GRIK4: variants seen among roughly 807,000 people sequenced by gnomAD.
GRIK4 encodes the protein glutamate ionotropic receptor kainate type subunit 4.
A neutral mutation model predicts 104.9 loss-of-function variants in GRIK4; 40 were observed. That is an observed-to-expected ratio of 0.38 (90% CI 0.30 to 0.50). GRIK4 has a LOEUF of 0.50. Ranked by LOEUF, GRIK4 falls within the 20% of genes least tolerant of loss-of-function variation. The probability of loss-of-function intolerance (pLI) is 0.93; values close to 1 mark genes in which losing one functional copy is unlikely to be tolerated. For synonymous variants in GRIK4, 485 were observed against 524.9 expected, an observed-to-expected ratio of 0.92 and a Z score of 1.04; for missense variants, 1,047 against 1,308.1, an observed-to-expected ratio of 0.80 and a Z score of 3.08.
At chr11:120,792,235 C>CGTGTGT (rs557044477) in intron 3 of GRIK4, among the ~76,000 whole-genome samples, 1 of 149,656 alleles carries the variant, frequency 6.7e-6, no homozygotes, top group East Asian at 2.0e-4. Context: ...GCAGCAGCAC[C>CGTGTGT]GTGTGTGTGT....
chr11:120,571,855 GTGGGGAACATGT>G (rs1333331140), intron 1 of GRIK4, among the ~76,000 whole-genome samples: 1 of 152,176 alleles, frequency 6.6e-6, no homozygotes, highest in Non-Finnish European at 1.5e-5. Context: ...CTACTTGGTG[GTGGGGAACATGT>G]TGGGGAACAT....
At chr11:120,971,827 G>A (rs149387468) in intron 19 of GRIK4, among the ~76,000 whole-genome samples, 3 of 152,334 alleles carry the variant, frequency 2.0e-5, no homozygotes, top group African/African-American at 4.8e-5. Context: ...AGGCACAGGT[G>A]TTACACTGAG....
chr11:120,556,916 C>T (rs1948193011), intron 1 of GRIK4, among the ~76,000 whole-genome samples: 1 of 152,130 alleles, frequency 6.6e-6, no homozygotes, highest in African/African-American at 2.4e-5. Context: ...CGCCTTGTCA[C>T]CCTTACCTGG....
intron 1 of GRIK4, among the ~76,000 whole-genome samples, chr11:120,538,536 T>A (rs983230142): frequency 2.0e-5 from 3 of 152,252 alleles, no homozygotes; most frequent in African/African-American, 7.2e-5. Flanking sequence ...TTCACATTAG[T>A]AATGAAATTG....
At chr11:120,776,245 C>T (rs568068911) in intron 3 of GRIK4, among the ~76,000 whole-genome samples, 16 of 152,260 alleles carry the variant, frequency 1.1e-4, no homozygotes, top group South Asian at 8.3e-4. Flanking sequence ...ACATCTCTAC[C>T]GCACCTCTGG....
At chr11:120,936,919 C>T (rs557003326) in intron 13 of GRIK4, among the ~76,000 whole-genome samples, 3 of 152,236 alleles carry the variant, frequency 2.0e-5, no homozygotes, top group South Asian at 4.2e-4. Context: ...GTACATGCCC[C>T]TCAGCCTCCC....
chr11:120,787,304 G>A (rs1019934735), intron 3 of GRIK4, among the ~76,000 whole-genome samples: 2 of 151,914 alleles, frequency 1.3e-5, no homozygotes, highest in African/African-American at 4.8e-5. Context: ...ACTCCAGCCT[G>A]GACAGCAGAG....
intron 3 of GRIK4, among the ~76,000 whole-genome samples, chr11:120,753,875 C>T (rs183699053): frequency 2.6e-5 from 4 of 152,212 alleles, no homozygotes; most frequent in Non-Finnish European, 2.9e-5. Context: ...TGTATTTAAC[C>T]GTTAGGCAAG....
Position 120,981,362 on chromosome 11 carries a change from A to G in GRIK4, c.2396-744A>G, listed in dbSNP as rs765718772. On this transcript the variant is annotated intron_variant, in intron 19 of 20. Transcript: ENST00000527524. ...CAATGTCTGACTCCCAGGAACTTACATACTTGCACAATGCTTCTAAAATTA... is the reference window on the plus strand; with the variant it reads ...CAATGTCTGACTCCCAGGAACTTACGTACTTGCACAATGCTTCTAAAATTA... 2.0e-5 allele frequency among the ~76,000 whole-genome samples: 3 copies of G among 152,350 alleles called. No individual in the cohort carries two copies. In the East Asian group the frequency reaches 5.8e-4, roughly 29 times the overall value.
chr11:120,550,078 C>T (rs1429264402), intron 1 of GRIK4, among the ~76,000 whole-genome samples: 1 of 151,876 alleles, frequency 6.6e-6, no homozygotes, highest in Non-Finnish European at 1.5e-5. Context: ...CTGTGGCTGC[C>T]TGGTTGCGGG....
intron 1 of GRIK4, among the ~76,000 whole-genome samples, chr11:120,527,357 A>G (rs949486607): frequency 6.6e-5 from 10 of 152,182 alleles, no homozygotes; most frequent in African/African-American, 2.4e-4. Flanking sequence ...ATCTGTCTGC[A>G]GGGTCTGCTG....
In GRIK4 at chr11:120,785,360, C is replaced by A. The variant is rs373303440; in HGVS notation, c.83-17333C>A. On this transcript the variant is annotated intron_variant, in intron 3 of 20. Coordinates refer to ENST00000527524, the MANE Select transcript of GRIK4 (RefSeq NM_014619.5). The stretch of plus-strand genomic sequence containing the variant: ...ACTATCTTCCTACCCAAAAGAAAAC[C>A]TACAGGGAGGTGAGCCGGTCCACAG... Among the ~76,000 whole-genome samples, 16 of 151,932 alleles carry A rather than the reference C, an allele frequency of 1.1e-4. No homozygotes were observed. The East Asian group carries it at 2.3e-3, about 22-fold the overall frequency.
intron 1 of GRIK4, among the ~76,000 whole-genome samples, chr11:120,634,702 G>C (rs534514677): frequency 6.6e-6 from 1 of 152,320 alleles, no homozygotes; most frequent in African/African-American, 2.4e-5. Context: ...GAGCTGAAAA[G>C]AGACAGAGAA....
intron 3 of GRIK4, among the ~76,000 whole-genome samples, chr11:120,696,475 T>C (rs1291470953): frequency 9.7e-6 from 1 of 102,812 alleles, no homozygotes; most frequent in Non-Finnish European, 1.8e-5. Flanking sequence ...TAGATAGAGG[T>C]GTCAGTGGGG....
chr11:120,630,407 C>T (rs972205365), intron 1 of GRIK4, among the ~76,000 whole-genome samples: 1 of 152,256 alleles, frequency 6.6e-6, no homozygotes, highest in Admixed American at 6.5e-5. Context: ...TTGGGTTGCA[C>T]GTGCTCCTGG....
chr11:120,721,503 G>A (rs991559668), intron 3 of GRIK4, among the ~76,000 whole-genome samples: 2 of 152,176 alleles, frequency 1.3e-5, no homozygotes, highest in African/African-American at 4.8e-5. Flanking sequence ...GAGCCACATG[G>A]GAGGTCCTGG....
intron 7 of GRIK4, among the ~76,000 whole-genome samples, chr11:120,834,881 G>T (rs1953532496): frequency 6.6e-6 from 1 of 152,232 alleles, no homozygotes. Flanking sequence ...ACCCCGCCCG[G>T]ACCCTCTGCC....
At chr11:120,635,052 C>T (rs759912644) in intron 1 of GRIK4, among the ~76,000 whole-genome samples, 4 of 152,206 alleles carry the variant, frequency 2.6e-5, no homozygotes, top group Admixed American at 1.3e-4. Context: ...GCCTTCTTTC[C>T]GTTTTCCAGA....
At chr11:120,655,086 T>A (rs1949684290) in intron 2 of GRIK4, among the ~76,000 whole-genome samples, 1 of 152,046 alleles carries the variant, frequency 6.6e-6, no homozygotes. Flanking sequence ...CAGCCGATAT[T>A]ATTGGAGCAC....
Sources: allele counts gnomAD v4.1 joint callset (sites outside exome capture counted in the v4.1 genomes callset), GRCh38; gene constraint gnomAD v4.1.1; transcripts MANE v1.5; gene names NCBI Gene and HGNC (gene_info 2026-07-23, HGNC 2026-07-21).